The following ZNF404 variants were observed in gnomAD, a reference collection of about 807,000 sequenced individuals.
The protein encoded by ZNF404 is zinc finger protein 404.
A neutral mutation model predicts 7.3 loss-of-function variants in ZNF404; 7 were observed. That is an observed-to-expected ratio of 0.95 (90% CI 0.54 to 1.79). ZNF404 has a LOEUF of 1.79. Ranked by LOEUF, ZNF404 falls within the 40% of genes most tolerant of loss-of-function variation. ZNF404 has a pLI of 0.00. For missense variants in ZNF404, 560 were observed against 661.5 expected (o/e 0.85, Z 1.68); for synonymous variants, 191 against 209.9 (o/e 0.91, Z 0.78).
In ZNF404 at chr19:43,883,867, A is replaced by AT. The variant is rs1351029861; in HGVS notation, c.9+88dup. On this transcript the variant is annotated intron_variant, in intron 1 of 2. Coordinates refer to ENST00000587539, the MANE Select transcript of ZNF404 (RefSeq NM_001033719.3). ...AGGTTCCAAGAGAGAGCTTTCTGAG[A>AT]TAGGAGGTTTCAGGATTAAAAAAAT... 1.1e-5 allele frequency: 16 copies of AT among 1,391,650 alleles called. No homozygotes were observed. The South Asian group carries it at 1.7e-4, about 15-fold the overall frequency. 86.2% of individuals were successfully genotyped at this position (1,391,650 alleles called of 1,614,324 possible).
At position 43,873,756 on chromosome 19, in the gene ZNF404, T is replaced by G. The variant is rs757169678; in HGVS notation, c.458A>C (p.His153Pro). 6.9e-6 allele frequency: 11 copies of G among 1,597,268 alleles called. No individual in the cohort carries two copies. Residue 153 changes from histidine to proline, a missense_variant, in exon 3 of 3, where the codon CAT (histidine) becomes CCT (proline). Transcript: ENST00000587539. ...YLHLTEHLRD[H>P]TGVIPYECNE... is the part of the protein sequence containing the mutation. ...ACATTCATAGGGTATCACACCAGTA[T>G]GGTCTCTCAGATGTTCAGTAAGGTG...
rs776712282 is a variant in ZNF404 at position 43,880,041 on chromosome 19, C to A, written c.105G>T (p.Met35Ile). The A allele has an allele frequency of 2.5e-6, 4 of 1,613,816 alleles. No homozygotes were observed. Among genetic ancestry groups the A allele is most frequent in the Non-Finnish European group, 2.5e-6 (3 of 1,179,750 alleles). The change falls in exon 2 of 3, where the codon ATG becomes ATT. Residue 35 changes from methionine (M) to isoleucine (I), a missense_variant. Met to Ile is a conservative substitution (Grantham distance 10). Transcript: ENST00000587539. ...AGACCAAGTTAGTATAATTCTCCAA[C>A]ATCACATCTCTGTACAAATCCCTCT... is the stretch of plus-strand genomic sequence containing the variant. ...SDQRDLYRDV[M>I]LENYTNLVSL... is the part of the protein sequence containing the mutation.
Position 43,872,861 on chromosome 19 carries a change from A to G in ZNF404, c.1353T>C (p.Asn451=), listed in dbSNP as rs1216083537. 6.2e-7 allele frequency: 1 copy of G among 1,607,970 alleles called. No homozygotes were observed. Among genetic ancestry groups the G allele is most frequent in the Admixed American group, 1.7e-5 (1 of 58,882 alleles). Residue 451 remains asparagine, a synonymous_variant, in exon 3 of 3, where the codon AAT becomes AAC. Coordinates refer to ENST00000587539, the MANE Select transcript of ZNF404 (RefSeq NM_001033719.3). This position sits in a 1 kb window ranked among gnomAD's most constrained non-coding sequence, Gnocchi z 4.4. ...CKECGKTFRL[N]SQLIYHQTIH... is the part of the protein sequence containing the mutation. Reference sequence around the variant, plus strand: ...TTGTCTGATGATAAATTAGTTGAGAATTAAGTCTAAAGGTTTTTCCACATT... The same window carrying G: ...TTGTCTGATGATAAATTAGTTGAGAGTTAAGTCTAAAGGTTTTTCCACATT...
chr19:43,873,778 G>A lies in ZNF404; in HGVS notation c.436C>T (p.Leu146Phe). The A allele has an allele frequency of 6.3e-7, 1 of 1,587,010 alleles. No homozygotes were observed. Among genetic ancestry groups the A allele is most frequent in the Non-Finnish European group, 8.5e-7 (1 of 1,179,068 alleles). Residue 146 changes from leucine (L) to phenylalanine (F), a missense_variant, in exon 3 of 3, where the codon CTT becomes TTT. Coordinates refer to ENST00000587539, the MANE Select transcript of ZNF404 (RefSeq NM_001033719.3). ...YKKGFRKYLH[L>F]TEHLRDHTGV... ...GTATGGTCTCTCAGATGTTCAGTAA[G>A]GTGCAAATATTTTCTAAAGCCCTTC...
intron 2 of ZNF404, among the ~76,000 whole-genome samples, chr19:43,874,760 C>A (rs989293192): frequency 6.6e-6 from 1 of 152,028 alleles, no homozygotes; most frequent in African/African-American, 2.4e-5. Flanking sequence ...TGCCTTTATA[C>A]TCCTTCTCTC....
Position 43,872,442 on chromosome 19 carries a change from G to C in ZNF404, c.*113C>G. On this transcript the variant is annotated 3_prime_UTR_variant, in exon 3 of 3. Coordinates refer to ENST00000587539, the MANE Select transcript of ZNF404 (RefSeq NM_001033719.3). This position sits in a 1 kb window ranked among gnomAD's most constrained non-coding sequence, Gnocchi z 4.4. ...TGTATTTAGTAAGCAAATACGATGTGCCAGATGCCTTTCCAAGTATTTATA... is the reference window on the plus strand; with the variant it reads ...TGTATTTAGTAAGCAAATACGATGTCCCAGATGCCTTTCCAAGTATTTATA... The C allele has an allele frequency of 1.3e-6, 1 of 749,588 alleles. No homozygotes were observed. The highest frequency in any genetic ancestry group is 2.9e-5 in the East Asian group (1 of 34,614). 46.4% of individuals were successfully genotyped at this position (749,588 alleles called of 1,614,324 possible).
chr19:43,883,820 T>A (rs1971916846), intron 1 of ZNF404, 136 bp downstream of exon 1: 2 of 862,764 alleles, frequency 2.3e-6, no homozygotes, highest in African/African-American at 1.7e-5. Context: ...CATCCATCAC[T>A]GGAATGGGAG....
intron 2 of ZNF404, 92 bp downstream of exon 2, chr19:43,879,901 ATGGAGCAGAAATGTAGC>A: frequency 1.4e-6 from 2 of 1,389,542 alleles, no homozygotes; most frequent in Non-Finnish European, 2.0e-6. Context: ...CTTTGAGAAT[ATGGAGCAGAAATGTAGC>A]TGGTTTCTTG....
chr19:43,873,938 G>A lies in ZNF404; in HGVS notation c.276C>T (p.Tyr92=), dbSNP rs576670741. Residue 92 remains tyrosine (Y), a synonymous_variant, in exon 3 of 3, where the codon TAC becomes TAT. Coordinates refer to ENST00000587539, the MANE Select transcript of ZNF404 (RefSeq NM_001033719.3). ...TCTGTTGTCTCCCAAATTCAATTGT[G>A]TACTGTGGGTCAGTTCTGAAAATAA... The part of the protein sequence containing the change: ...MRFIFRTDPQ[Y]TIEFGRQQRP... 31 of 1,613,176 alleles carry A rather than the reference G, an allele frequency of 1.9e-5. 1 individual carries two copies. The South Asian group carries it at 3.4e-4, about 18-fold the overall frequency.
At position 43,873,232 on chromosome 19, in the gene ZNF404, C is replaced by G; in HGVS notation, c.982G>C (p.Glu328Gln). ...AAAGCCTTTCCACATTCCATGCATTCATGAGGTTTCTCACCAGTATGACTT... is the reference window on the plus strand; with the variant it reads ...AAAGCCTTTCCACATTCCATGCATTGATGAGGTTTCTCACCAGTATGACTT... ...QRSHTGEKPH[E>Q]CMECGKAFGK... is the part of the protein sequence containing the mutation. The change falls in exon 3 of 3, where the codon GAA becomes CAA. Residue 328 changes from glutamate (E) to glutamine (Q), a missense_variant. By Grantham distance (29) the Glu-to-Gln change is conservative. Transcript: ENST00000587539. 1 of 1,613,588 alleles carries G rather than the reference C, an allele frequency of 6.2e-7. No homozygotes were observed.
chr19:43,877,307 T>G (rs570860289), intron 2 of ZNF404, among the ~76,000 whole-genome samples: 8 of 152,152 alleles, frequency 5.3e-5, no homozygotes, highest in African/African-American at 1.9e-4. Context: ...AAATTTAAAA[T>G]ATTTTTCCCC....
chr19:43,883,798 T>C (rs527264696), intron 1 of ZNF404, among the ~76,000 whole-genome samples, 158 bp downstream of exon 1: 5 of 152,126 alleles, frequency 3.3e-5, no homozygotes, highest in African/African-American at 1.2e-4. Flanking sequence ...GGAGGGCAAA[T>C]GAGGAGGACA....
At chr19:43,880,713 A>G (rs1971888502) in intron 1 of ZNF404, among the ~76,000 whole-genome samples, 1 of 152,220 alleles carries the variant, frequency 6.6e-6, no homozygotes, top group Non-Finnish European at 1.5e-5. Context: ...ACCTACAGTC[A>G]CACTAGTTTA....
In ZNF404 at chr19:43,872,755, T is replaced by A. The variant is rs1971820512; in HGVS notation, c.1459A>T (p.Arg487Ter). ...RSISGLSQHK[R>*]IHTGEKPYEC... is the part of the protein sequence containing the mutation. ...TAGGGTTTTTCACCAGTATGAATTC[T>A]CTTATGTTGAGAAAGACCTGAGATA... is the stretch of plus-strand genomic sequence containing the variant. The change falls in exon 3 of 3, where the codon AGA becomes TGA. Residue 487 changes from arginine (R) to a stop codon, truncating the protein, a stop_gained. Transcript: ENST00000587539. LOFTEE classifies it low-confidence loss of function (END_TRUNC). The surrounding 1 kb of genome is among the most constrained non-coding windows in gnomAD (Gnocchi z 4.4). 2 of 1,612,822 alleles carry A rather than the reference T, an allele frequency of 1.2e-6. No homozygotes were observed. The highest frequency in any genetic ancestry group is 1.7e-6 in the Non-Finnish European group (2 of 1,179,320).
chr19:43,874,461 A>AATT (rs1555739630), intron 2 of ZNF404, among the ~76,000 whole-genome samples: 1 of 151,626 alleles, frequency 6.6e-6, no homozygotes, highest in Non-Finnish European at 1.5e-5. Context: ...TCTCTATATA[A>AATT]TTGTCAGTGG....
At chr19:43,882,268 T>A (rs2146622497) in intron 1 of ZNF404, among the ~76,000 whole-genome samples, 1 of 152,210 alleles carries the variant, frequency 6.6e-6, no homozygotes, top group African/African-American at 2.4e-5. Context: ...GACCGTCTTT[T>A]AAAAAAATGG....
At position 43,872,607 on chromosome 19, in the gene ZNF404, T is replaced by G. The variant is rs759649004; in HGVS notation, c.1607A>C (p.Tyr536Ser). 1 of 1,611,120 alleles carries G rather than the reference T, an allele frequency of 6.2e-7. No individual in the cohort carries two copies. ...AAATCTTTGATGTTGACTAAGTTGA[T>G]AGCAATGACTAAAGGCCTTACCACA... is the stretch of plus-strand genomic sequence containing the variant. The part of the protein sequence containing the change: ...KECGKAFSHC[Y>S]QLSQHQRFHH... Residue 536 changes from tyrosine to serine, a missense_variant, in exon 3 of 3, where the codon TAT (tyrosine) becomes TCT (serine). Physicochemically the swap from Tyr to Ser is moderately radical, Grantham distance 144. Coordinates refer to ENST00000587539, the MANE Select transcript of ZNF404 (RefSeq NM_001033719.3). This position sits in a 1 kb window ranked among gnomAD's most constrained non-coding sequence, Gnocchi z 4.4.
In ZNF404 at chr19:43,873,268, C is replaced by CG; in HGVS notation, c.945_946insC (p.Glu316ArgfsTer9). On this transcript the variant is annotated frameshift_variant, in exon 3 of 3. Coordinates refer to ENST00000587539, the MANE Select transcript of ZNF404 (RefSeq NM_001033719.3). LOFTEE classifies it low-confidence loss of function (END_TRUNC). ...TCACCAGTATGACTTCTTTGATGTT[C>CG]AACAAGTAGATAGCTGCGAACAAAG... The CG allele has an allele frequency of 6.2e-7, 1 of 1,613,550 alleles. No individual in the cohort carries two copies. Among genetic ancestry groups the CG allele is most frequent in the Non-Finnish European group, 8.5e-7 (1 of 1,179,664 alleles).
intron 1 of ZNF404, chr19:43,881,811 G>A (rs1194284099): frequency 6.6e-6 from 1 of 152,098 alleles, no homozygotes; most frequent in African/African-American, 2.4e-5. Context: ...TACAAAATTA[G>A]CCAGGTGTGG....
Sources: gnomAD v4.1 joint callset for allele counts (sites outside exome capture counted in the v4.1 genomes callset) on GRCh38, gnomAD v4.1.1 for gene constraint, Gnocchi (gnomAD v3.1) non-coding constraint, MANE v1.5 for transcripts, NCBI Gene and HGNC (gene_info 2026-07-23, HGNC 2026-07-21) for gene names.